The following GRK5 variants were observed in gnomAD, a reference collection of about 807,000 sequenced individuals.
GRK5 encodes G protein-coupled receptor kinase 5.
Under a neutral mutation model 78.4 loss-of-function variants are expected in GRK5, and 40 were observed. The ratio of observed to expected loss-of-function variants is 0.51; its 90% CI spans 0.40 to 0.66. The LOEUF (loss-of-function observed/expected upper bound fraction) is 0.66, where lower values mean the gene tolerates loss of function less well. Ranked by LOEUF, GRK5 falls within the 30% of genes least tolerant of loss-of-function variation. The probability of loss-of-function intolerance (pLI) is 0.00; values close to 1 mark genes in which losing one functional copy is unlikely to be tolerated. For missense variants in GRK5, 598 were observed against 759.9 expected (o/e 0.79, Z 2.50); for synonymous variants, 289 against 296.8 (o/e 0.97, Z 0.27).
intron 4 of GRK5, among the ~76,000 whole-genome samples, chr10:119,404,436 C>T (rs1477733867): frequency 6.6e-6 from 1 of 152,230 alleles, no homozygotes; most frequent in African/African-American, 2.4e-5. Context: ...ATATGACTTA[C>T]ACATATTTTC....
rs1851656379 is a variant in GRK5 at position 119,378,304 on chromosome 10, G to A, written c.149-2511G>A. On this transcript the variant is annotated intron_variant, in intron 2 of 15. Transcript: ENST00000392870. The surrounding 1 kb of genome is among the most constrained non-coding windows in gnomAD (Gnocchi z 4.5). ...GGGAGCGGTGGAGACTGCGCCCACG[G>A]CTGAAGGGCAGAGTTTAGGCTGCAG... Among the ~76,000 whole-genome samples the A allele has an allele frequency of 6.6e-6, 1 of 152,184 alleles. No homozygotes were observed. Among genetic ancestry groups the A allele is most frequent in the African/African-American group, 2.4e-5 (1 of 41,430 alleles).
rs117136753 is a variant in GRK5, at chr10:119,213,909, T to A, written c.52+5940T>A. 5.8e-3 allele frequency among the ~76,000 whole-genome samples: 878 copies of A among 152,296 alleles called. 5 individuals carry two copies. Among genetic ancestry groups the A allele is most frequent in the South Asian group, 9.9e-3 (48 of 4,830 alleles). On this transcript the variant is annotated intron_variant, in intron 1 of 15. Transcript: ENST00000392870. ...ACATTCGGGTGTCAGCCTCAGATAATACAATGTGAAATGACTGAAAAGATG... is the reference window on the plus strand; with the variant it reads ...ACATTCGGGTGTCAGCCTCAGATAAAACAATGTGAAATGACTGAAAAGATG...
At position 119,207,884 on chromosome 10, in the gene GRK5, G is replaced by T. The variant is rs1300841956; in HGVS notation, c.-34G>T. 3.2e-6 allele frequency: 5 copies of T among 1,578,794 alleles called. No homozygotes were observed. In the Admixed American group the frequency reaches 5.3e-5, roughly 17 times the overall value. On this transcript the variant is annotated 5_prime_UTR_variant, in exon 1 of 16. Coordinates refer to ENST00000392870, the MANE Select transcript of GRK5 (RefSeq NM_005308.3). The stretch of plus-strand genomic sequence containing the variant: ...CAGCACCCCAGGCGCTGACAGCCCC[G>T]CCGGCCGGCTCCGTTGCTGACCGCC...
chr10:119,394,096 TGTCTGCGTCTGTGTGGG>T (rs1851935855), intron 3 of GRK5, among the ~76,000 whole-genome samples: 3 of 106,712 alleles, frequency 2.8e-5, no homozygotes, highest in Admixed American at 1.1e-4. Context: ...TATCTGTGTG[TGTCTGCGTCTGTGTGGG>T]GGGTGTGTGT....
intron 4 of GRK5, among the ~76,000 whole-genome samples, chr10:119,416,409 C>T (rs1365990374): frequency 6.6e-6 from 1 of 152,224 alleles, no homozygotes; most frequent in African/African-American, 2.4e-5. Flanking sequence ...GCCAGCCGTT[C>T]CTGCTTATTT....
chr10:119,408,890 G>A (rs1310617316), intron 4 of GRK5, among the ~76,000 whole-genome samples: 1 of 152,256 alleles, frequency 6.6e-6, no homozygotes, highest in East Asian at 1.9e-4. Flanking sequence ...AAAAGAGCAA[G>A]AAAAGAGTGG....
chr10:119,361,654 G>A (rs1342770052), intron 2 of GRK5, among the ~76,000 whole-genome samples: 1 of 152,116 alleles, frequency 6.6e-6, no homozygotes, highest in Non-Finnish European at 1.5e-5. Context: ...AGTGGGGGAG[G>A]CGCAGAGGGG....
At position 119,431,448 on chromosome 10, in the gene GRK5, A is replaced by T. The variant is rs528343617; in HGVS notation, c.659A>T (p.Lys220Met). Residue 220 changes from lysine (K) to methionine (M), a missense_variant, in exon 8 of 16, where the codon AAG becomes ATG. Transcript: ENST00000392870. This position sits in a 1 kb window ranked among gnomAD's most constrained non-coding sequence, Gnocchi z 4.8. ...KMYACKRLEK[K>M]RIKKRKGESM... The stretch of plus-strand genomic sequence containing the variant: ...TATGCCTGCAAGCGCTTGGAGAAGA[A>T]GAGGATCAAAAAGAGGAAAGGGGAG... 2.5e-6 allele frequency: 4 copies of T among 1,614,088 alleles called. No homozygotes were observed. The highest frequency in any genetic ancestry group is 3.4e-6 in the Non-Finnish European group (4 of 1,179,966).
chr10:119,257,481 T>C (rs528467193), intron 1 of GRK5, among the ~76,000 whole-genome samples: 1 of 152,234 alleles, frequency 6.6e-6, no homozygotes, highest in Admixed American at 6.5e-5. Context: ...TCCTCCACTT[T>C]GGAAGGCGGA....
chr10:119,337,569 C>T (rs1198805325), intron 2 of GRK5, among the ~76,000 whole-genome samples: 12 of 152,206 alleles, frequency 7.9e-5, no homozygotes, highest in Admixed American at 4.6e-4. Flanking sequence ...TCTTCACCTT[C>T]ACTCGGTCTT....
intron 2 of GRK5, among the ~76,000 whole-genome samples, chr10:119,371,760 G>A (rs1048353814): frequency 2.6e-5 from 4 of 152,218 alleles, no homozygotes. Context: ...CTCAGTCATC[G>A]GAGAAGTAAA....
chr10:119,451,529 T>C lies in GRK5; in HGVS notation c.1405-1142T>C, dbSNP rs144454120. ...TGGACCCTGCGTTTTCATTCTGCGCTGAGCATGTGAATGATGTGGTCTTGC... is the reference window on the plus strand; with the variant it reads ...TGGACCCTGCGTTTTCATTCTGCGCCGAGCATGTGAATGATGTGGTCTTGC... On this transcript the variant is annotated intron_variant, in intron 13 of 15. Coordinates refer to ENST00000392870, the MANE Select transcript of GRK5 (RefSeq NM_005308.3). 3.7e-4 allele frequency among the ~76,000 whole-genome samples: 56 copies of C among 152,324 alleles called. No individual in the cohort carries two copies. In the East Asian group the frequency reaches 5.4e-3, roughly 15 times the overall value.
intron 1 of GRK5, among the ~76,000 whole-genome samples, chr10:119,249,828 AAG>A (rs1849172764): frequency 6.6e-6 from 1 of 152,170 alleles, no homozygotes; most frequent in Non-Finnish European, 1.5e-5. Context: ...ATGCTCAAAA[AAG>A]TTTACTATTA....
intron 4 of GRK5, among the ~76,000 whole-genome samples, chr10:119,401,290 A>T (rs1316835813): frequency 6.6e-6 from 1 of 152,132 alleles, no homozygotes; most frequent in African/African-American, 2.4e-5. Flanking sequence ...ACGCCCTACA[A>T]ACCCGTGCCT....
intron 5 of GRK5, among the ~76,000 whole-genome samples, chr10:119,423,542 G>T (rs1395160108): frequency 6.6e-6 from 1 of 152,214 alleles, no homozygotes; most frequent in Non-Finnish European, 1.5e-5. Context: ...TGTCTGGGTG[G>T]TTTGGAAGTC....
At chr10:119,368,733 A>T (rs1440268211) in intron 2 of GRK5, among the ~76,000 whole-genome samples, 1 of 152,172 alleles carries the variant, frequency 6.6e-6, no homozygotes, top group Non-Finnish European at 1.5e-5. Flanking sequence ...AGACCGCCTC[A>T]CTTCTGGGGG....
At chr10:119,353,232 G>A (rs1851213552) in intron 2 of GRK5, among the ~76,000 whole-genome samples, 1 of 152,088 alleles carries the variant, frequency 6.6e-6, no homozygotes, top group African/African-American at 2.4e-5. Context: ...GGGAGCCAGG[G>A]GTGGGATACA....
intron 1 of GRK5, among the ~76,000 whole-genome samples, chr10:119,317,559 A>T (rs912609732): frequency 6.6e-6 from 1 of 152,132 alleles, no homozygotes; most frequent in Non-Finnish European, 1.5e-5. Context: ...TTTCCGGTAT[A>T]GGAGGGGCCT....
intron 1 of GRK5, among the ~76,000 whole-genome samples, chr10:119,251,930 A>G (rs1849209715): frequency 6.6e-6 from 1 of 152,128 alleles, no homozygotes. Context: ...CCCTGTGCAT[A>G]TCCAATCCTC....
Sources: gnomAD v4.1 joint callset for allele counts (sites outside exome capture counted in the v4.1 genomes callset) on GRCh38, gnomAD v4.1.1 for gene constraint, Gnocchi (gnomAD v3.1) non-coding constraint, MANE v1.5 for transcripts, NCBI Gene and HGNC (gene_info 2026-07-23, HGNC 2026-07-21) for gene names.